The following RDX variants were observed in gnomAD, a reference collection of about 807,000 sequenced individuals.
RDX encodes radixin, also known as deafness, autosomal recessive 24.
A neutral mutation model predicts 83.7 loss-of-function variants in RDX; 32 were observed. The ratio of observed to expected loss-of-function variants is 0.38; its 90% CI spans 0.29 to 0.51. RDX has a LOEUF of 0.51. Among genes scored for constraint, RDX ranks in the 20% least tolerant of loss-of-function variants. The pLI, the probability that RDX is intolerant of heterozygous loss-of-function variation, is 0.87. For missense variants in RDX, 600 were observed against 689.9 expected (o/e 0.87, Z 1.46); for synonymous variants, 229 against 222.7 (o/e 1.03, Z -0.25).
rs34471100 is a variant in RDX, at chr11:110,233,356, C to A, written c.1468G>T (p.Asp490Tyr). The change falls in exon 13 of 14, where the codon GAT becomes TAT. Residue 490 changes from aspartate (D) to tyrosine (Y), a missense_variant. Asp to Tyr is a radical substitution (Grantham distance 160, BLOSUM62 -3). Coordinates refer to ENST00000645495, the MANE Select transcript of RDX (RefSeq NM_002906.4). ...PPTENEHDEHDENNAEASAEL... is the reference protein window; with the variant it reads ...PPTENEHDEHYENNAEASAEL... ...GCACTAGCTTCAGCATTATTCTCAT[C>A]GTGTTCATCATGTTCGTTTTCTGTT... 1 of 1,614,032 alleles carries A rather than the reference C, an allele frequency of 6.2e-7. No homozygotes were observed. Among genetic ancestry groups the A allele is most frequent in the Non-Finnish European group, 8.5e-7 (1 of 1,180,028 alleles).
chr11:110,248,193 C>T (rs1392756879), intron 9 of RDX, among the ~76,000 whole-genome samples: 1 of 152,090 alleles, frequency 6.6e-6, no homozygotes, highest in African/African-American at 2.4e-5. Context: ...AGAACCCATT[C>T]ATGTAAACAA....
At chr11:110,217,336 C>T (rs1052719377) in intron 14 of RDX, among the ~76,000 whole-genome samples, 4 of 152,058 alleles carry the variant, frequency 2.6e-5, no homozygotes, top group Non-Finnish European at 4.4e-5. Flanking sequence ...ATTCTGTTTT[C>T]CAGTGTTTGT....
chr11:110,247,127 T>C (rs1859144534), intron 10 of RDX, among the ~76,000 whole-genome samples: 1 of 152,234 alleles, frequency 6.6e-6, no homozygotes, highest in Non-Finnish European at 1.5e-5. Flanking sequence ...ATCCTTTCTA[T>C]ATACAGTAGC....
chr11:110,267,326 A>C (rs1169337754), intron 3 of RDX, among the ~76,000 whole-genome samples: 1 of 152,036 alleles, frequency 6.6e-6, no homozygotes, highest in Non-Finnish European at 1.5e-5. Flanking sequence ...CAGCCTGGTC[A>C]ACATGGTGAA....
Position 110,189,243 on chromosome 11 carries a change from T to TAAAAAA in RDX, c.*31+10332_*31+10337dup, listed in dbSNP as rs35450797. On this transcript the variant is annotated intron_variant, in intron 15 of 15. Coordinates refer to the RDX transcript ENST00000528498. ...AAACAAACTTTAAATGAACAACAGG[T>TAAAAAA]AAAAAAAAAAAAAAAAAAAAAAAAA... is the stretch of plus-strand genomic sequence containing the variant. Among the ~76,000 whole-genome samples the TAAAAAA allele has an allele frequency of 5.1e-3, 181 of 35,542 alleles. 1 individual carries two copies. The highest frequency in any genetic ancestry group is 0.023 in the Middle Eastern group (1 of 44). 23.3% of individuals were successfully genotyped at this position (35,542 alleles called of 152,430 possible). A position where few individuals can be genotyped will look rare whatever the true frequency, so the allele number is the denominator to read the frequency against.
chr11:110,272,990 G>A (rs756747604), intron 2 of RDX: 14 of 456,866 alleles, frequency 3.1e-5, no homozygotes, highest in South Asian at 2.2e-4. Flanking sequence ...ACTTTGGAAG[G>A]CCAAGGTGGG....
At chr11:110,254,677 C>T (rs1859474218) in intron 8 of RDX, among the ~76,000 whole-genome samples, 1 of 152,070 alleles carries the variant, frequency 6.6e-6, no homozygotes, top group South Asian at 2.1e-4. Flanking sequence ...AGTTTCACCA[C>T]GTTGGCCAGG....
In RDX at chr11:110,229,790, T is replaced by C. The variant is rs1430019397; in HGVS notation, c.*2079A>G. On this transcript the variant is annotated 3_prime_UTR_variant, in exon 14 of 14. Transcript: ENST00000645495. ...ATAATTTTTCAATACTGTATCAAACTGATGTAGCTATGGTAGTGCACATAA... is the reference window on the plus strand; with the variant it reads ...ATAATTTTTCAATACTGTATCAAACCGATGTAGCTATGGTAGTGCACATAA... The C allele has an allele frequency of 1.3e-5, 2 of 152,498 alleles. No homozygotes were observed. The highest frequency in any genetic ancestry group is 2.9e-5 in the Non-Finnish European group (2 of 67,928). The allele number at this position is 152,498 out of a possible 1,614,324, so 9.4% of individuals were successfully genotyped here.
At chr11:110,246,741 C>T (rs1565312899) in intron 10 of RDX, among the ~76,000 whole-genome samples, 1 of 102,494 alleles carries the variant, frequency 9.8e-6, no homozygotes, top group African/African-American at 4.0e-5. Flanking sequence ...CAAAGTAAGA[C>T]TGTGTCTCAA....
chr11:110,188,805 G>T (rs544720606), intron 15 of RDX, among the ~76,000 whole-genome samples: 7 of 152,124 alleles, frequency 4.6e-5, no homozygotes, highest in Admixed American at 1.3e-4. Context: ...ATCACTAAGA[G>T]AATTTTTTTA....
chr11:110,274,547 A>G (rs752610875), intron 2 of RDX, among the ~76,000 whole-genome samples: 4 of 152,138 alleles, frequency 2.6e-5, no homozygotes, highest in Non-Finnish European at 5.9e-5. Context: ...GTTGGAGCAC[A>G]GTGGCAGAAT....
intron 2 of RDX, chr11:110,273,146 A>C (rs1049999360): frequency 4.0e-5 from 18 of 453,642 alleles, no homozygotes; most frequent in African/African-American, 3.2e-4. Context: ...TAGGAGTTTG[A>C]GGGCTGCCGT....
chr11:110,227,811 CAT>C (rs1864481604), downstream of RDX, among the ~76,000 whole-genome samples: 1 of 152,014 alleles, frequency 6.6e-6, no homozygotes, highest in Non-Finnish European at 1.5e-5. Context: ...ACAGCCAAAA[CAT>C]AAACCTGAAT....
chr11:110,175,857 C>A (rs1862762687), intron 15 of RDX, among the ~76,000 whole-genome samples: 1 of 152,198 alleles, frequency 6.6e-6, no homozygotes, highest in South Asian at 2.1e-4. Context: ...AAGACAAGGA[C>A]AAAGCACATT....
intron 14 of RDX, among the ~76,000 whole-genome samples, chr11:110,203,439 A>G (rs1022601867): frequency 2.6e-5 from 4 of 151,662 alleles, no homozygotes; most frequent in African/African-American, 9.7e-5. Flanking sequence ...AAAAGTAGAA[A>G]GAATGAATAA....
chr11:110,246,156 A>G (rs1234136280), intron 10 of RDX, among the ~76,000 whole-genome samples: 3 of 152,098 alleles, frequency 2.0e-5, no homozygotes, highest in Admixed American at 6.5e-5. Context: ...TCAACCTCCT[A>G]AAGTGCTGGG....
intron 2 of RDX, among the ~76,000 whole-genome samples, chr11:110,277,229 C>T (rs1860554497): frequency 6.6e-6 from 1 of 152,182 alleles, no homozygotes; most frequent in African/African-American, 2.4e-5. Flanking sequence ...TAGCTGTAAA[C>T]GTTCACATTC....
At chr11:110,279,250 C>A (rs1019529812) in intron 2 of RDX, among the ~76,000 whole-genome samples, 1 of 152,048 alleles carries the variant, frequency 6.6e-6, no homozygotes, top group Non-Finnish European at 1.5e-5. Context: ...CAAAGGTCAC[C>A]CAGATTGGTG....
chr11:110,227,140 G>A (rs935016703), downstream of RDX, among the ~76,000 whole-genome samples: 8 of 151,902 alleles, frequency 5.3e-5, no homozygotes, highest in South Asian at 8.3e-4. Flanking sequence ...TGAAAAACAC[G>A]ATTCGTAAGT....
Sources: gnomAD v4.1 joint callset for allele counts (sites outside exome capture counted in the v4.1 genomes callset) on GRCh38, gnomAD v4.1.1 for gene constraint, MANE v1.5 for transcripts, NCBI Gene and HGNC (gene_info 2026-07-23, HGNC 2026-07-21) for gene names.